The following UBE2L6 variants were observed in gnomAD, a reference collection of about 807,000 sequenced individuals.
UBE2L6 encodes the protein ubiquitin/ISG15-conjugating enzyme E2 L6.
A neutral mutation model predicts 13.6 loss-of-function variants in UBE2L6; 11 were observed. That is an observed-to-expected ratio of 0.81 (90% CI 0.51 to 1.34). UBE2L6 has a LOEUF of 1.34. Among genes scored for constraint, UBE2L6 ranks in the 40% most tolerant of loss-of-function variants. The pLI is 0.00. For missense variants in UBE2L6, 197 were observed against 199.5 expected (o/e 0.99, Z 0.07); for synonymous variants, 74 against 83.2 (o/e 0.89, Z 0.60).
chr11:57,556,307 G>A (rs758842657), intron 2 of UBE2L6, among the ~76,000 whole-genome samples: 26 of 152,030 alleles, frequency 1.7e-4, no homozygotes, highest in South Asian at 8.3e-4. Flanking sequence ...TAACTAGGCC[G>A]GGCACGATGG....
chr11:57,561,993 T>C (rs12364489), intron 1 of UBE2L6, among the ~76,000 whole-genome samples: 11,603 of 152,262 alleles, frequency 0.076, 592 homozygotes, highest in Admixed American at 0.15. Flanking sequence ...CTGGGAACAT[T>C]GTTCCGTTGT....
At chr11:57,553,323 G>C (rs953220869) in intron 3 of UBE2L6, among the ~76,000 whole-genome samples, 20 of 151,724 alleles carry the variant, frequency 1.3e-4, no homozygotes, top group Non-Finnish European at 8.8e-5. Context: ...GCAAAACCTG[G>C]TATCTACAAA....
At chr11:57,560,627 T>C in intron 1 of UBE2L6, 195 bp from the exon 2 acceptor site, 1 of 449,384 alleles carries the variant, frequency 2.2e-6, no homozygotes, top group East Asian at 4.0e-5. Flanking sequence ...TTTTTTCTTT[T>C]TTTTTTTTTT....
chr11:57,553,845 G>A (rs1276547608), intron 3 of UBE2L6, among the ~76,000 whole-genome samples: 6 of 152,162 alleles, frequency 3.9e-5, no homozygotes, highest in African/African-American at 7.2e-5. Flanking sequence ...AAAGAATTGA[G>A]TTCTTCAGTT....
At chr11:57,563,398 G>C (rs932176000) in intron 1 of UBE2L6, among the ~76,000 whole-genome samples, 1 of 150,496 alleles carries the variant, frequency 6.6e-6, no homozygotes, top group Non-Finnish European at 1.5e-5. Flanking sequence ...GCTCAGGCAG[G>C]AGAATTGGAG....
At chr11:57,563,801 T>C in intron 1 of UBE2L6, among the ~76,000 whole-genome samples, 1 of 149,260 alleles carries the variant, frequency 6.7e-6, no homozygotes, top group Admixed American at 6.7e-5. Context: ...ACTCAGGAGG[T>C]TGAGGCAGGA....
intron 1 of UBE2L6, among the ~76,000 whole-genome samples, chr11:57,566,701 C>A (rs1258332750): frequency 1.3e-5 from 2 of 152,122 alleles, no homozygotes; most frequent in Non-Finnish European, 2.9e-5. Context: ...CTGAGGGTAG[C>A]AGGCACCCTC....
intron 1 of UBE2L6, chr11:57,566,947 GCCC>G (rs10624657): frequency 3.0e-3 from 307 of 101,970 alleles, no homozygotes; most frequent in South Asian, 8.3e-3. Flanking sequence ...ATCTCTGCCC[GCCC>G]CCCCCCCCCT....
intron 1 of UBE2L6, among the ~76,000 whole-genome samples, chr11:57,560,721 C>T (rs888438514): frequency 2.6e-5 from 4 of 151,554 alleles, no homozygotes; most frequent in Non-Finnish European, 5.9e-5. Flanking sequence ...CCTGGGTTCA[C>T]GCCATTCTCC....
chr11:57,557,235 T>C (rs924527126), intron 2 of UBE2L6, among the ~76,000 whole-genome samples: 10 of 152,120 alleles, frequency 6.6e-5, no homozygotes, highest in Non-Finnish European at 1.3e-4. Context: ...TATTACTTAC[T>C]GAAAAAGCTG....
rs182512214 is a variant in UBE2L6, at chr11:57,552,507, G to T, written c.313C>A (p.Leu105Met). The T allele has an allele frequency of 6.2e-7, 1 of 1,614,174 alleles. No individual in the cohort carries two copies. Among genetic ancestry groups the T allele is most frequent in the Non-Finnish European group, 8.5e-7 (1 of 1,180,014 alleles). Residue 105 changes from leucine to methionine, a missense_variant and splice_region_variant, in exon 4 of 4, where the codon CTG becomes ATG. Transcript: ENST00000287156. ...WKPCTKTCQV[L>M]EALNVLVNRP... ...TTCACCAGCACATTGAGGGCCTCCA[G>T]GACTGGGGAGAGACAGGCCAGATCA...
rs541872211 is a variant in UBE2L6, at chr11:57,555,516, T to C, written c.124-893A>G. Among the ~76,000 whole-genome samples the C allele has an allele frequency of 1.4e-4, 21 of 151,706 alleles. No homozygotes were observed. In the East Asian group the frequency reaches 3.7e-3, roughly 27 times the overall value. The stretch of plus-strand genomic sequence containing the variant: ...GGGGAGTTACTGAAGGGGTACAGAG[T>C]TTCAGTACAGGTAGACAAAAAGTTC... On this transcript the variant is annotated intron_variant, in intron 2 of 3. Coordinates refer to ENST00000287156, the MANE Select transcript of UBE2L6 (RefSeq NM_004223.5).
At chr11:57,565,790 T>A (rs1410859509) in intron 1 of UBE2L6, among the ~76,000 whole-genome samples, 1 of 152,198 alleles carries the variant, frequency 6.6e-6, no homozygotes, top group Non-Finnish European at 1.5e-5. Flanking sequence ...AAACATACAA[T>A]GGATACATAA....
rs1189519384 is a variant in UBE2L6 at position 57,561,320 on chromosome 11, TG to T, written c.28-889del. Among the ~76,000 whole-genome samples the T allele has an allele frequency of 2.6e-5, 4 of 152,252 alleles. No individual in the cohort carries two copies. In the East Asian group the frequency reaches 7.7e-4, roughly 29 times the overall value. Reference sequence around the variant, plus strand: ...GGAGTGACTCATCTTCCCAAAACTGTGGCCCAAACACCTGAATATCCCTTCT... The same window carrying T: ...GGAGTGACTCATCTTCCCAAAACTGTGCCCAAACACCTGAATATCCCTTCT... On this transcript the variant is annotated intron_variant, in intron 1 of 3. Transcript: ENST00000287156.
intron 3 of UBE2L6, 120 bp downstream of exon 3, chr11:57,554,317 A>C: frequency 4.0e-6 from 5 of 1,236,934 alleles, no homozygotes; most frequent in Non-Finnish European, 5.6e-6. Flanking sequence ...AGTTCAGCCA[A>C]GACTCACAAT....
intron 1 of UBE2L6, chr11:57,567,034 G>A (rs943031466): frequency 6.7e-6 from 3 of 445,862 alleles, no homozygotes; most frequent in Non-Finnish European, 1.3e-5. Flanking sequence ...TACTCCAGGA[G>A]GCCTTCCAGG....
intron 1 of UBE2L6, 72 bp downstream of exon 1, chr11:57,567,513 G>C: frequency 9.5e-6 from 15 of 1,576,134 alleles, no homozygotes; most frequent in Non-Finnish European, 1.3e-5. Context: ...GAGCCGCGGA[G>C]GGGATGGAGG....
Position 57,565,366 on chromosome 11 carries a change from T to TG in UBE2L6, c.27+2218_27+2219insC, listed in dbSNP as rs1479926827. ...CAGTTTGTATTAGTTGTTTTTTTTT[T>TG]TTTTTTTTTTTTTTTTGAGACAATG... On this transcript the variant is annotated intron_variant, in intron 1 of 3. Coordinates refer to ENST00000287156, the MANE Select transcript of UBE2L6 (RefSeq NM_004223.5). Among the ~76,000 whole-genome samples the TG allele has an allele frequency of 1.6e-3, 138 of 87,154 alleles. 1 individual carries two copies. The highest frequency in any genetic ancestry group is 5.1e-3 in the African/African-American group (122 of 24,094). The allele number at this position is 87,154 out of a possible 152,430, so 57.2% of individuals were successfully genotyped here. A position where few individuals can be genotyped will look rare whatever the true frequency, so the allele number is the denominator to read the frequency against.
intron 2 of UBE2L6, among the ~76,000 whole-genome samples, chr11:57,558,316 T>G (rs1220921425): frequency 6.6e-6 from 1 of 152,194 alleles, no homozygotes; most frequent in Non-Finnish European, 1.5e-5. Context: ...TGACCTCCAG[T>G]GATCCACCCA....
Sources: gnomAD v4.1 joint callset for allele counts (sites outside exome capture counted in the v4.1 genomes callset) on GRCh38, gnomAD v4.1.1 for gene constraint, MANE v1.5 for transcripts, NCBI Gene and HGNC (gene_info 2026-07-23, HGNC 2026-07-21) for gene names.